The following TM4SF4 variants were observed in gnomAD, a reference collection of about 807,000 sequenced individuals.
The protein encoded by TM4SF4 is transmembrane 4 L six family member 4.
Under a neutral mutation model 24.1 loss-of-function variants are expected in TM4SF4, and 24 were observed. That is an observed-to-expected ratio of 1.00 (90% confidence interval 0.72 to 1.40). The LOEUF (loss-of-function observed/expected upper bound fraction) is 1.40. TM4SF4 is among the 40% of genes most tolerant of loss of function. The pLI is 0.00. For missense variants in TM4SF4, 254 were observed against 254.2 expected (o/e 1.00, Z 0.01); for synonymous variants, 113 against 97.0 (o/e 1.17, Z -0.97).
At chr3:149,484,295 C>T (rs1734081047) in intron 2 of TM4SF4, among the ~76,000 whole-genome samples, 1 of 152,148 alleles carries the variant, frequency 6.6e-6, no homozygotes, top group Admixed American at 6.5e-5. Flanking sequence ...AGACAATGTC[C>T]AAACATTCCT....
intron 3 of TM4SF4, among the ~76,000 whole-genome samples, chr3:149,496,966 T>G (rs544351502): frequency 6.6e-6 from 1 of 152,180 alleles, no homozygotes; most frequent in South Asian, 2.1e-4. Flanking sequence ...CCTCAGGAGT[T>G]TGAGACCAGC....
chr3:149,489,725 T>C (rs566726357), intron 3 of TM4SF4, among the ~76,000 whole-genome samples: 5 of 152,228 alleles, frequency 3.3e-5, no homozygotes, highest in Non-Finnish European at 7.4e-5. Flanking sequence ...CCATTTATTG[T>C]GTATTGCTCT....
intron 2 of TM4SF4, 98 bp downstream of exon 2, chr3:149,476,010 C>T: frequency 9.9e-7 from 1 of 1,013,616 alleles, no homozygotes; most frequent in Non-Finnish European, 1.5e-6. Context: ...TCAGCTCCAG[C>T]CAGGACTCTG....
chr3:149,496,869 TAAA>T (rs35385088), intron 3 of TM4SF4, among the ~76,000 whole-genome samples: 13 of 142,542 alleles, frequency 9.1e-5, no homozygotes, highest in Non-Finnish European at 1.7e-4. Context: ...TTATATAGAT[TAAA>T]AAAAAAAAAA....
intron 4 of TM4SF4, 69 bp downstream of exon 4, chr3:149,498,980 G>T (rs771695314): frequency 1.3e-6 from 2 of 1,500,854 alleles, no homozygotes; most frequent in African/African-American, 1.4e-5. Context: ...GCATAAGGGA[G>T]GCCAGGTCAG....
chr3:149,502,375 G>A (rs1041852040), intron 4 of TM4SF4, among the ~76,000 whole-genome samples: 10 of 151,900 alleles, frequency 6.6e-5, no homozygotes, highest in Non-Finnish European at 1.3e-4. Context: ...AAAAGCTATT[G>A]AAATTTAAAA....
At chr3:149,497,948 A>G (rs932720989) in intron 3 of TM4SF4, among the ~76,000 whole-genome samples, 2 of 152,204 alleles carry the variant, frequency 1.3e-5, no homozygotes, top group Non-Finnish European at 2.9e-5. Flanking sequence ...CCCGGCCACA[A>G]TGCCCTTTAT....
chr3:149,500,724 T>C (rs543241597), intron 4 of TM4SF4, among the ~76,000 whole-genome samples: 3 of 152,268 alleles, frequency 2.0e-5, no homozygotes, highest in Admixed American at 6.5e-5. Flanking sequence ...ATGATTACTT[T>C]GGCTGGACAT....
intron 2 of TM4SF4, among the ~76,000 whole-genome samples, chr3:149,481,356 G>A (rs1177863481): frequency 6.6e-6 from 1 of 152,096 alleles, no homozygotes; most frequent in Admixed American, 6.5e-5. Flanking sequence ...GATGAAGTAA[G>A]TGAACACCTA....
intron 2 of TM4SF4, among the ~76,000 whole-genome samples, chr3:149,476,814 G>GTTTTTTT (rs67092416): frequency 8.7e-3 from 705 of 81,012 alleles, no homozygotes; most frequent in Middle Eastern, 0.014. Context: ...TTTTGTTTTT[G>GTTTTTTT]TTTTTTTTTT....
intron 3 of TM4SF4, chr3:149,495,019 C>T (rs979814188): frequency 7.5e-5 from 16 of 212,406 alleles, no homozygotes; most frequent in Non-Finnish European, 1.3e-4. Flanking sequence ...AATCTGAAGC[C>T]GATATCTCCA....
At chr3:149,475,683 C>T in intron 1 of TM4SF4, 140 bp from the exon 2 acceptor site, 2 of 685,260 alleles carry the variant, frequency 2.9e-6, no homozygotes, top group Middle Eastern at 5.4e-4. Context: ...CATTACCCCT[C>T]CAGCCATGCT....
At chr3:149,481,458 A>C (rs1734031921) in intron 2 of TM4SF4, among the ~76,000 whole-genome samples, 1 of 152,186 alleles carries the variant, frequency 6.6e-6, no homozygotes, top group South Asian at 2.1e-4. Flanking sequence ...TAAATGAGGA[A>C]ACTGGGGCTA....
chr3:149,491,758 AC>A (rs1022971159), intron 3 of TM4SF4, among the ~76,000 whole-genome samples: 3 of 152,112 alleles, frequency 2.0e-5, no homozygotes, highest in Non-Finnish European at 4.4e-5. Context: ...GCGGGGGGAA[AC>A]TTCTTCGAGA....
intron 2 of TM4SF4, among the ~76,000 whole-genome samples, chr3:149,487,348 A>C (rs1455195556): frequency 6.6e-6 from 1 of 152,178 alleles, no homozygotes; most frequent in Non-Finnish European, 1.5e-5. Context: ...TATCTTTAAC[A>C]AGGTTAAAAG....
At chr3:149,493,437 G>A (rs916647678) in intron 3 of TM4SF4, among the ~76,000 whole-genome samples, 3 of 152,188 alleles carry the variant, frequency 2.0e-5, no homozygotes, top group Non-Finnish European at 4.4e-5. Flanking sequence ...TCAAACCCAG[G>A]CACTTCCATT....
intron 3 of TM4SF4, among the ~76,000 whole-genome samples, chr3:149,497,810 A>T (rs1268041003): frequency 6.6e-6 from 1 of 152,050 alleles, no homozygotes; most frequent in African/African-American, 2.4e-5. Context: ...ATGCCCAGCT[A>T]ATTTTTGTAT....
chr3:149,477,799 A>C (rs933765139), intron 2 of TM4SF4, among the ~76,000 whole-genome samples: 2 of 152,220 alleles, frequency 1.3e-5, no homozygotes, highest in Non-Finnish European at 2.9e-5. Context: ...GGTATTTATA[A>C]CTTATTTTCC....
At chr3:149,477,918 G>C (rs1317417894) in intron 2 of TM4SF4, among the ~76,000 whole-genome samples, 5 of 152,020 alleles carry the variant, frequency 3.3e-5, no homozygotes, top group Non-Finnish European at 5.9e-5. Context: ...AAAGAAAGAA[G>C]AGTCATTTAT....
Sources: allele counts gnomAD v4.1 joint callset (sites outside exome capture counted in the v4.1 genomes callset), GRCh38; gene constraint gnomAD v4.1.1; transcripts MANE v1.5; gene names NCBI Gene and HGNC (gene_info 2026-07-23, HGNC 2026-07-21).